The following MAML3 variants were observed in gnomAD, a reference collection of about 807,000 sequenced individuals.
The protein encoded by MAML3 is mastermind-like protein 3.
Under a neutral mutation model 101.9 loss-of-function variants are expected in MAML3, and 27 were observed. The ratio of observed to expected loss-of-function variants is 0.27; its 90% confidence interval spans 0.20 to 0.37. The LOEUF (loss-of-function observed/expected upper bound fraction) is 0.37. Among genes scored for constraint, MAML3 ranks in the 10% least tolerant of loss-of-function variants. The pLI is 1.00. For synonymous variants in MAML3, 501 were observed against 555.9 expected (o/e 0.90, Z 1.39); for missense variants, 1,316 against 1,444.9 (o/e 0.91, Z 1.45).
chr4:139,767,551 C>G (rs979810720), intron 2 of MAML3, among the ~76,000 whole-genome samples: 4 of 152,088 alleles, frequency 2.6e-5, no homozygotes, highest in African/African-American at 9.7e-5. Flanking sequence ...CTTACTATAC[C>G]AGGATTTGGT....
chr4:139,830,680 C>T (rs1256471282), intron 2 of MAML3, among the ~76,000 whole-genome samples: 1 of 152,068 alleles, frequency 6.6e-6, no homozygotes, highest in Non-Finnish European at 1.5e-5. Flanking sequence ...TCCCAAAGTG[C>T]TGGGATTACA....
intron 1 of MAML3, among the ~76,000 whole-genome samples, chr4:140,150,478 C>G (rs1192956398): frequency 1.3e-5 from 2 of 152,158 alleles, no homozygotes; most frequent in Non-Finnish European, 2.9e-5. Context: ...TCCAGAGACC[C>G]GGCACTGGGA....
chr4:140,133,744 T>C (rs985728671), intron 1 of MAML3, among the ~76,000 whole-genome samples: 1 of 152,334 alleles, frequency 6.6e-6, no homozygotes, highest in East Asian at 1.9e-4. Context: ...TGTTTCTTCT[T>C]TTACTTTGCC....
At chr4:139,852,543 G>C (rs976072865) in intron 2 of MAML3, among the ~76,000 whole-genome samples, 1 of 151,306 alleles carries the variant, frequency 6.6e-6, no homozygotes, top group Non-Finnish European at 1.5e-5. Flanking sequence ...CTCCAGAGGA[G>C]CTGGGATTAC....
chr4:139,861,674 C>A (rs1455913323), intron 2 of MAML3, among the ~76,000 whole-genome samples: 2 of 152,154 alleles, frequency 1.3e-5, no homozygotes, highest in Non-Finnish European at 1.5e-5. Flanking sequence ...CAAGGGCAGC[C>A]TCTCCAACTC....
chr4:140,032,655 T>C (rs1224254585), intron 1 of MAML3, among the ~76,000 whole-genome samples: 4 of 152,132 alleles, frequency 2.6e-5, no homozygotes, highest in Non-Finnish European at 5.9e-5. Flanking sequence ...TAGTACAAAC[T>C]TTCTGAAGGG....
intron 2 of MAML3, among the ~76,000 whole-genome samples, chr4:139,786,335 A>G (rs1578600474): frequency 6.6e-6 from 1 of 151,994 alleles, no homozygotes; most frequent in South Asian, 2.1e-4. Context: ...TGCTTTAAGG[A>G]TGTGAGAAAC....
chr4:139,843,622 A>G (rs1049580250), intron 2 of MAML3, among the ~76,000 whole-genome samples: 3 of 152,212 alleles, frequency 2.0e-5, no homozygotes, highest in African/African-American at 7.2e-5. Context: ...TTATAGGATT[A>G]CCTGTTCATA....
chr4:140,038,579 G>A (rs919349837), intron 1 of MAML3, among the ~76,000 whole-genome samples: 1 of 152,142 alleles, frequency 6.6e-6, no homozygotes, highest in African/African-American at 2.4e-5. Flanking sequence ...AGATTGCCTG[G>A]GTCCATAATG....
intron 1 of MAML3, among the ~76,000 whole-genome samples, chr4:139,985,711 A>G (rs1734526669): frequency 2.0e-5 from 3 of 152,222 alleles, no homozygotes; most frequent in African/African-American, 7.2e-5. Flanking sequence ...GGAGGTGCCC[A>G]TGGAAAGGCT....
chr4:140,020,152 T>G (rs575780139), intron 1 of MAML3, among the ~76,000 whole-genome samples: 1 of 152,206 alleles, frequency 6.6e-6, no homozygotes, highest in Non-Finnish European at 1.5e-5. Context: ...TTGGAAGTAT[T>G]ACAATGGTCA....
intron 1 of MAML3, among the ~76,000 whole-genome samples, chr4:139,932,903 C>T (rs1285218788): frequency 6.6e-6 from 1 of 152,146 alleles, no homozygotes; most frequent in African/African-American, 2.4e-5. Context: ...AAGGAAAACC[C>T]GTGGTCTCTG....
chr4:139,835,595 T>G (rs974104043), intron 2 of MAML3, among the ~76,000 whole-genome samples: 2 of 152,152 alleles, frequency 1.3e-5, no homozygotes, highest in Non-Finnish European at 2.9e-5. Context: ...GAAAGGAGAC[T>G]AGAGATGATC....
chr4:139,975,365 G>T (rs924140798), intron 1 of MAML3, among the ~76,000 whole-genome samples: 1 of 152,064 alleles, frequency 6.6e-6, no homozygotes, highest in African/African-American at 2.4e-5. Context: ...ACTTTTCAGT[G>T]AAGCCTTCCC....
chr4:139,779,424 GC>G (rs1425199345), intron 2 of MAML3, among the ~76,000 whole-genome samples: 1 of 152,096 alleles, frequency 6.6e-6, no homozygotes, highest in African/African-American at 2.4e-5. Context: ...TAATTTGTGA[GC>G]CCCATCACCC....
chr4:140,019,390 G>C (rs567220611), intron 1 of MAML3, among the ~76,000 whole-genome samples: 1 of 152,284 alleles, frequency 6.6e-6, no homozygotes, highest in Non-Finnish European at 1.5e-5. Context: ...AAAGCTCTTT[G>C]ACAATGTTTT....
chr4:139,766,329 G>A (rs1478174183), intron 2 of MAML3, among the ~76,000 whole-genome samples: 3 of 152,090 alleles, frequency 2.0e-5, no homozygotes, highest in African/African-American at 7.2e-5. Context: ...CCACCACCAT[G>A]CCCAGCTAAT....
chr4:140,116,791 A>T (rs1373533945), intron 1 of MAML3, among the ~76,000 whole-genome samples: 1 of 152,236 alleles, frequency 6.6e-6, no homozygotes. Flanking sequence ...CCTTGTAAAG[A>T]TGTGACTAGG....
At chr4:139,776,592 T>C (rs1730101329) in intron 2 of MAML3, among the ~76,000 whole-genome samples, 1 of 152,166 alleles carries the variant, frequency 6.6e-6, no homozygotes, top group Non-Finnish European at 1.5e-5. Flanking sequence ...CTGAACAGTG[T>C]TTGGATGATC....
Sources: gnomAD v4.1 joint callset for allele counts (sites outside exome capture counted in the v4.1 genomes callset) on GRCh38, gnomAD v4.1.1 for gene constraint, MANE v1.5 for transcripts, NCBI Gene and HGNC (gene_info 2026-07-23, HGNC 2026-07-21) for gene names.